Variants in DOCK10 observed in about 807,000 individuals in gnomAD.
DOCK10 encodes the protein dedicator of cytokinesis 10.
DOCK10 carries 145 observed loss-of-function variants against 280.1 expected under a neutral mutation model. The ratio of observed to expected loss-of-function variants is 0.52; its 90% CI spans 0.45 to 0.59. The LOEUF (loss-of-function observed/expected upper bound fraction) is 0.59. Among genes scored for constraint, DOCK10 ranks in the 20% least tolerant of loss-of-function variants. DOCK10 has a pLI of 0.00. For synonymous variants in DOCK10, 915 were observed against 942.2 expected, an observed-to-expected ratio of 0.97 and a Z score of 0.53; for missense variants, 2,368 against 2,651.7, an observed-to-expected ratio of 0.89 and a Z score of 2.35.
At chr2:224,954,869 C>A (rs1703952619) in intron 1 of DOCK10, among the ~76,000 whole-genome samples, 1 of 152,194 alleles carries the variant, frequency 6.6e-6, no homozygotes, top group African/African-American at 2.4e-5. Context: ...AAATGAAAAG[C>A]ATTCCGAGCT....
At chr2:224,860,730 C>A (rs543326759) in intron 14 of DOCK10, 1 of 151,998 alleles carries the variant, frequency 6.6e-6, no homozygotes, top group South Asian at 2.1e-4. Flanking sequence ...TATGCTACCA[C>A]CCTTGGTTAA....
At chr2:224,890,435 A>G (rs1469350865) in intron 4 of DOCK10, among the ~76,000 whole-genome samples, 2 of 152,210 alleles carry the variant, frequency 1.3e-5, no homozygotes. Flanking sequence ...TTTTTCACAA[A>G]TCTCCCAGTT....
intron 1 of DOCK10, among the ~76,000 whole-genome samples, chr2:224,933,508 A>G (rs945948726): frequency 6.6e-6 from 1 of 152,196 alleles, no homozygotes; most frequent in Non-Finnish European, 1.5e-5. Context: ...CAGGCCTTCA[A>G]GTCTGAAACA....
intron 1 of DOCK10, among the ~76,000 whole-genome samples, chr2:225,000,424 G>A (rs1042904721): frequency 4.6e-5 from 7 of 152,174 alleles, no homozygotes; most frequent in East Asian, 1.9e-4. Context: ...TTCCACATGC[G>A]GAAGAGTGAA....
chr2:224,994,600 CACTT>C (rs1706216872), intron 1 of DOCK10, among the ~76,000 whole-genome samples: 1 of 152,212 alleles, frequency 6.6e-6, no homozygotes, highest in Admixed American at 6.5e-5. Context: ...TATGGTCTGA[CACTT>C]AATCATCATT....
intron 1 of DOCK10, among the ~76,000 whole-genome samples, chr2:224,963,330 A>T (rs1245933672): frequency 2.6e-5 from 4 of 152,178 alleles, no homozygotes; most frequent in Non-Finnish European, 5.9e-5. Context: ...TCTACTGCTG[A>T]TATATTCGCA....
chr2:224,874,200 T>C (rs757827934), intron 10 of DOCK10, 49 bp from the exon 11 acceptor site: 3 of 1,574,812 alleles, frequency 1.9e-6, no homozygotes, highest in Non-Finnish European at 2.6e-6. Context: ...AAAAAAGAAA[T>C]TCTAAATTAT....
intron 1 of DOCK10, among the ~76,000 whole-genome samples, chr2:224,958,311 A>G (rs1704171680): frequency 6.6e-6 from 1 of 152,224 alleles, no homozygotes; most frequent in African/African-American, 2.4e-5. Flanking sequence ...TGCATTGAGC[A>G]TTAGGAGGAG....
chr2:224,885,769 G>T lies in DOCK10; in HGVS notation c.649C>A (p.Pro217Thr). ...AAGTTCATAATGTAGGAGTTATCTG[G>T]TAACTGAGTCAGCTGGAAGTAGCGC... ...KKRYFQLTQLPDNSYIMNFYK... is the reference protein window; with the variant it reads ...KKRYFQLTQLTDNSYIMNFYK... Residue 217 changes from proline (P) to threonine (T), a missense_variant, in exon 7 of 56, where the codon CCA becomes ACA. This residue lies in a region of DOCK10 where 1,209 missense variants were observed against 1,250.9 expected (regional missense o/e 0.97). Transcript: ENST00000258390. 5.0e-6 allele frequency: 8 copies of T among 1,613,492 alleles called. No homozygotes were observed. The highest frequency in any genetic ancestry group is 5.9e-6 in the Non-Finnish European group (7 of 1,179,772).
At chr2:224,894,571 T>C (rs1417571012) in intron 4 of DOCK10, among the ~76,000 whole-genome samples, 1 of 152,220 alleles carries the variant, frequency 6.6e-6, no homozygotes, top group Non-Finnish European at 1.5e-5. Flanking sequence ...AACTGTGTCA[T>C]GAACACCCAG....
intron 1 of DOCK10, among the ~76,000 whole-genome samples, chr2:225,033,835 G>T (rs183011837): frequency 6.6e-6 from 1 of 152,034 alleles, no homozygotes; most frequent in Non-Finnish European, 1.5e-5. Context: ...ACCCAACCAC[G>T]CCCCCCAACC....
rs66476455 is a variant in DOCK10, at chr2:224,963,996, C to CTT, written c.124-32330_124-32329dup. ...TGTTTTCACAATTTGGTCTAAAATT[C>CTT]TTTTTTTTTTTTTTTTTTTACAATA... is the stretch of plus-strand genomic sequence containing the variant. On this transcript the variant is annotated intron_variant, in intron 1 of 55. Transcript: ENST00000258390. 4.2e-3 allele frequency among the ~76,000 whole-genome samples: 515 copies of CTT among 122,790 alleles called. 1 individual carries two copies. Among genetic ancestry groups the CTT allele is most frequent in the African/African-American group, 0.013 (444 of 33,284 alleles). The allele number at this position is 122,790 out of a possible 152,430, so 80.6% of individuals were successfully genotyped here. A position where few individuals can be genotyped will look rare whatever the true frequency, so the allele number is the denominator to read the frequency against.
At chr2:225,028,659 T>C (rs1193914510) in intron 1 of DOCK10, among the ~76,000 whole-genome samples, 1 of 152,184 alleles carries the variant, frequency 6.6e-6, no homozygotes, top group Non-Finnish European at 1.5e-5. Context: ...ATTCTGATCA[T>C]TGAGGGCACT....
At chr2:225,033,653 G>GCA (rs936277183) in intron 1 of DOCK10, among the ~76,000 whole-genome samples, 9 of 152,088 alleles carry the variant, frequency 5.9e-5, no homozygotes, top group African/African-American at 2.2e-4. Flanking sequence ...TTTGAGTCCA[G>GCA]CAAACACAAG....
chr2:224,897,308 TA>T (rs1700041589), intron 3 of DOCK10, among the ~76,000 whole-genome samples: 1 of 152,232 alleles, frequency 6.6e-6, no homozygotes, highest in African/African-American at 2.4e-5. Flanking sequence ...ATTTACAGGG[TA>T]CATGAGATGG....
chr2:224,851,700 A>G (rs1355176186), intron 18 of DOCK10, among the ~76,000 whole-genome samples: 2 of 152,126 alleles, frequency 1.3e-5, no homozygotes, highest in Admixed American at 1.3e-4. Context: ...CAGCAGGCCC[A>G]CTACAAATAA....
chr2:224,826,255 G>A (rs1694842855), intron 27 of DOCK10, among the ~76,000 whole-genome samples: 1 of 152,058 alleles, frequency 6.6e-6, no homozygotes, highest in Non-Finnish European at 1.5e-5. Context: ...ATAGAGATGG[G>A]GTTTTGCCAT....
chr2:224,789,948 T>G (rs1407217106), intron 47 of DOCK10, among the ~76,000 whole-genome samples: 6 of 152,048 alleles, frequency 3.9e-5, no homozygotes, highest in African/African-American at 2.4e-5. Context: ...GCCCAGCTAA[T>G]TTTTGTATTT....
intron 30 of DOCK10, 102 bp downstream of exon 30, chr2:224,816,515 A>G (rs1694145553): frequency 3.9e-6 from 3 of 768,284 alleles, no homozygotes; most frequent in Non-Finnish European, 6.6e-6. Context: ...AAACAAAATT[A>G]TGACTGAAGA....
Sources: allele counts gnomAD v4.1 joint callset (sites outside exome capture counted in the v4.1 genomes callset), GRCh38; gene constraint gnomAD v4.1.1; regional missense constraint gnomAD v4.1.1; transcripts MANE v1.5; gene names NCBI Gene and HGNC (gene_info 2026-07-23, HGNC 2026-07-21).